Variants in AFAP1L2 observed in about 807,000 individuals in gnomAD.
AFAP1L2 encodes the protein actin filament associated protein 1 like 2, also known as actin filament-associated protein 1-like 2.
Under a neutral mutation model 99.3 loss-of-function variants are expected in AFAP1L2, and 46 were observed. The ratio of observed to expected loss-of-function variants is 0.46; its 90% CI spans 0.37 to 0.59. The LOEUF (loss-of-function observed/expected upper bound fraction) is 0.59. Ranked by LOEUF, AFAP1L2 falls within the 20% of genes least tolerant of loss-of-function variation. AFAP1L2 has a pLI of 0.00. For missense variants in AFAP1L2, 959 were observed against 1,034.9 expected, an observed-to-expected ratio of 0.93 and a Z score of 1.01; for synonymous variants, 397 against 419.1, an observed-to-expected ratio of 0.95 and a Z score of 0.64.
chr10:114,362,289 C>A (rs1203957006), intron 1 of AFAP1L2, among the ~76,000 whole-genome samples: 1 of 152,184 alleles, frequency 6.6e-6, no homozygotes, highest in Non-Finnish European at 1.5e-5. Flanking sequence ...TAAGTCCTAA[C>A]CCCTAACGCC....
intron 4 of AFAP1L2, among the ~76,000 whole-genome samples, chr10:114,325,385 G>A (rs2046101438): frequency 6.6e-6 from 1 of 152,204 alleles, no homozygotes. Context: ...CTGAGACGAA[G>A]AGGATCGACC....
At chr10:114,284,348 C>T in the AFAP1L2 span, among the ~76,000 whole-genome samples, 6 of 152,174 alleles carry the variant, frequency 3.9e-5, no homozygotes, top group South Asian at 4.1e-4. Context: ...CAGTTCCCAT[C>T]ACTCCTTTTT....
chr10:114,368,768 ACACAC>A (rs2053650455), intron 1 of AFAP1L2, among the ~76,000 whole-genome samples: 1 of 106 alleles, frequency 9.4e-3, no homozygotes, highest in Non-Finnish European at 0.028. Context: ...TGTCCTTACA[ACACAC>A]ACACACACAC....
At chr10:114,360,883 A>C (rs1309088907) in intron 1 of AFAP1L2, among the ~76,000 whole-genome samples, 1 of 152,136 alleles carries the variant, frequency 6.6e-6, no homozygotes. Context: ...TTTCAAGCAA[A>C]ATTCCTGCAT....
chr10:114,308,384 C>T, intron 9 of AFAP1L2, 49 bp downstream of exon 9: 1 of 1,554,666 alleles, frequency 6.4e-7, no homozygotes, highest in Non-Finnish European at 8.9e-7. Flanking sequence ...CCTGACAGCC[C>T]AGCCTCACAG....
At chr10:114,348,420 G>A (rs1332434992) in intron 1 of AFAP1L2, among the ~76,000 whole-genome samples, 2 of 152,166 alleles carry the variant, frequency 1.3e-5, no homozygotes, top group African/African-American at 4.8e-5. Flanking sequence ...AGCTTTCGGA[G>A]TCTGACTTCT....
chr10:114,288,657 T>C, the AFAP1L2 span, among the ~76,000 whole-genome samples: 2 of 152,198 alleles, frequency 1.3e-5, no homozygotes, highest in East Asian at 3.9e-4. Flanking sequence ...TCCAGCTGCA[T>C]GAGTTTGAAA....
chr10:114,354,104 T>G (rs1469147891), intron 1 of AFAP1L2, among the ~76,000 whole-genome samples: 1 of 152,118 alleles, frequency 6.6e-6, no homozygotes, highest in Non-Finnish European at 1.5e-5. Flanking sequence ...GAGTCCTCAG[T>G]GCCAGGGGCC....
chr10:114,330,202 T>TC (rs1277090398), intron 4 of AFAP1L2, among the ~76,000 whole-genome samples: 1 of 151,806 alleles, frequency 6.6e-6, no homozygotes. Context: ...TGTGGCCCCT[T>TC]CCCCCCAGGA....
the AFAP1L2 span, among the ~76,000 whole-genome samples, chr10:114,288,137 C>T: frequency 6.6e-6 from 1 of 152,222 alleles, no homozygotes; most frequent in East Asian, 1.9e-4. Context: ...CCCCACAGGC[C>T]TCTCTGCATC....
At chr10:114,317,026 C>T (rs1345836965) in intron 5 of AFAP1L2, among the ~76,000 whole-genome samples, 2 of 152,250 alleles carry the variant, frequency 1.3e-5, no homozygotes, top group Non-Finnish European at 2.9e-5. Context: ...CTGAATGACA[C>T]TCTGCCTTCA....
Position 114,398,983 on chromosome 10 carries a change from C to G in AFAP1L2, c.16+5457G>C, listed in dbSNP as rs1342900789. On this transcript the variant is annotated intron_variant, in intron 1 of 18. Transcript: ENST00000304129. ...GGGCTTTCATCTCCATTTCTGGAAT[C>G]TGCCTTTGAGATTTTGCTTCATTTC... 4 of 1,201,094 alleles carry G rather than the reference C, an allele frequency of 3.3e-6. No individual in the cohort carries two copies. In the African/African-American group the frequency reaches 6.3e-5, roughly 19 times the overall value. The allele number at this position is 1,201,094 out of a possible 1,614,324, so 74.4% of individuals were successfully genotyped here.
intron 1 of AFAP1L2, among the ~76,000 whole-genome samples, chr10:114,347,546 A>T (rs922053745): frequency 1.3e-5 from 2 of 151,858 alleles, no homozygotes; most frequent in African/African-American, 4.8e-5. Context: ...TACAATCATG[A>T]CTCACTGCAC....
intron 1 of AFAP1L2, among the ~76,000 whole-genome samples, chr10:114,365,161 G>C (rs2053029694): frequency 6.6e-6 from 1 of 152,168 alleles, no homozygotes; most frequent in South Asian, 2.1e-4. Flanking sequence ...TTTAAGGCCT[G>C]CCTCTCCTCT....
Position 114,360,499 on chromosome 10 carries a change from A to AGATAGATG in AFAP1L2, c.17-19769_17-19768insCATCTATC, listed in dbSNP as rs1196756160. Among the ~76,000 whole-genome samples, 3 of 120,390 alleles carry AGATAGATG rather than the reference A, an allele frequency of 2.5e-5. No homozygotes were observed. In the Admixed American group the frequency reaches 2.7e-4, roughly 11 times the overall value. 79.0% of individuals were successfully genotyped at this position (120,390 alleles called of 152,430 possible). On this transcript the variant is annotated intron_variant, in intron 1 of 18. Coordinates refer to ENST00000304129, the MANE Select transcript of AFAP1L2 (RefSeq NM_001001936.3). ...TATCTCAATATCTAGATAGATAGAT[A>AGATAGATG]GATAGATAGTTAGATAGATAGATAG... is the stretch of plus-strand genomic sequence containing the variant.
At chr10:114,372,647 A>ACACATATATGTATACATATTTATATG (rs1341076375) in intron 1 of AFAP1L2, among the ~76,000 whole-genome samples, 2 of 151,608 alleles carry the variant, frequency 1.3e-5, no homozygotes, top group African/African-American at 4.8e-5. Flanking sequence ...TAATATATAT[A>ACACATATATGTATACATATTTATATG]CACATATATG....
intron 1 of AFAP1L2, among the ~76,000 whole-genome samples, chr10:114,365,827 G>T (rs2053158969): frequency 6.6e-6 from 1 of 151,598 alleles, no homozygotes; most frequent in Admixed American, 6.6e-5. Context: ...CTGGGCTCAA[G>T]TGATCTTCCT....
chr10:114,364,157 G>C (rs1374433552), intron 1 of AFAP1L2, among the ~76,000 whole-genome samples: 1 of 152,210 alleles, frequency 6.6e-6, no homozygotes, highest in Non-Finnish European at 1.5e-5. Context: ...CTCAGTCACA[G>C]CTGTGACAAC....
chr10:114,398,967 T>C, intron 1 of AFAP1L2: 1 of 1,258,594 alleles, frequency 7.9e-7, no homozygotes, highest in South Asian at 1.3e-5. Context: ...TGGGCTTTCA[T>C]CTCCATTTCT....
Sources: allele counts gnomAD v4.1 joint callset (sites outside exome capture counted in the v4.1 genomes callset), GRCh38; gene constraint gnomAD v4.1.1; transcripts MANE v1.5; gene names NCBI Gene and HGNC (gene_info 2026-07-23, HGNC 2026-07-21).